UGT2A1: variants seen among roughly 807,000 people sequenced by gnomAD.
UGT2A1 encodes UDP-glucuronosyltransferase 2A1.
Under a neutral mutation model 45.4 loss-of-function variants are expected in UGT2A1, and 61 were observed. The observed-to-expected ratio is 1.34, with a 90% CI of 1.09 to 1.66. The LOEUF (loss-of-function observed/expected upper bound fraction) is 1.66, where lower values mean the gene tolerates loss of function less well. Among genes scored for constraint, UGT2A1 ranks in the 40% most tolerant of loss-of-function variants. The pLI is 0.00. For missense variants in UGT2A1, 649 were observed against 574.3 expected (o/e 1.13, Z -1.33); for synonymous variants, 229 against 196.2 (o/e 1.17, Z -1.40).
At chr4:69,645,253 T>A (rs565946931) in intron 2 of UGT2A1, among the ~76,000 whole-genome samples, 5 of 151,876 alleles carry the variant, frequency 3.3e-5, no homozygotes, top group Non-Finnish European at 7.4e-5. Flanking sequence ...CTTACTGGAT[T>A]TCGCCAAATA....
chr4:69,647,578 C>T lies in UGT2A1; in HGVS notation c.67G>A (p.Val23Ile). The change falls in exon 2 of 7, where the codon GTT becomes ATT. Residue 23 changes from valine to isoleucine, a missense_variant. Transcript: ENST00000286604. ...SLIGTTLGGN[V>I]LIWPMEGSHW... ...CTACCTTCCATTGGCCAAATCAAAA[C>T]ATTCCCACCAAGAGTGGTTCCTATG... is the stretch of plus-strand genomic sequence containing the variant. 1 of 1,610,848 alleles carries T rather than the reference C, an allele frequency of 6.2e-7. No individual in the cohort carries two copies. The highest frequency in any genetic ancestry group is 8.5e-7 in the Non-Finnish European group (1 of 1,178,360).
intron 3 of UGT2A1, among the ~76,000 whole-genome samples, chr4:69,626,077 C>G (rs9999694): frequency 0.35 from 53,028 of 151,066 alleles, 9,638 homozygotes; most frequent in African/African-American, 0.43. Flanking sequence ...ATTTGTTGCT[C>G]TCAGTCATAT....
intron 4 of UGT2A1, among the ~76,000 whole-genome samples, chr4:69,595,571 G>T (rs1309404014): frequency 6.6e-6 from 1 of 152,130 alleles, no homozygotes; most frequent in Non-Finnish European, 1.5e-5. Context: ...AAATCATGAA[G>T]AGTGTTATGT....
chr4:69,638,203 G>A (rs1289392108), intron 2 of UGT2A1, among the ~76,000 whole-genome samples: 4 of 152,172 alleles, frequency 2.6e-5, no homozygotes, highest in Non-Finnish European at 5.9e-5. Context: ...GAGATCTGGA[G>A]GCAAAATCAT....
At chr4:69,648,942 A>G (rs992117106) in intron 1 of UGT2A1, among the ~76,000 whole-genome samples, 6 of 152,038 alleles carry the variant, frequency 3.9e-5, no homozygotes, top group Non-Finnish European at 8.8e-5. Flanking sequence ...CCCCTTACCA[A>G]CTAAGGAATC....
chr4:69,617,580 T>C (rs1720477639), intron 3 of UGT2A1, among the ~76,000 whole-genome samples: 2 of 151,818 alleles, frequency 1.3e-5, no homozygotes, highest in South Asian at 4.1e-4. Context: ...AGAAAGACTG[T>C]TTCAAATTAG....
intron 6 of UGT2A1, among the ~76,000 whole-genome samples, chr4:69,590,011 A>G (rs1718497107): frequency 6.6e-6 from 1 of 152,246 alleles, no homozygotes; most frequent in African/African-American, 2.4e-5. Context: ...TGGGATAAAA[A>G]TCATTTAAGA....
chr4:69,605,436 A>G (rs1396563518), intron 3 of UGT2A1, among the ~76,000 whole-genome samples: 2 of 137,008 alleles, frequency 1.5e-5, no homozygotes, highest in Non-Finnish European at 3.1e-5. Context: ...GTAGAGGGAA[A>G]TTTATAGCAC....
intron 3 of UGT2A1, among the ~76,000 whole-genome samples, chr4:69,623,820 A>T (rs1360539001): frequency 1.3e-5 from 2 of 151,560 alleles, no homozygotes; most frequent in Admixed American, 6.6e-5. Context: ...TTTAAAACAG[A>T]TTCATTTGAA....
intron 1 of UGT2A1, among the ~76,000 whole-genome samples, chr4:69,651,245 T>C (rs1027603239): frequency 3.9e-5 from 6 of 152,296 alleles, no homozygotes; most frequent in Admixed American, 1.3e-4. Flanking sequence ...GCCTAAAATG[T>C]GGGTCTGAAT....
chr4:69,595,754 A>G (rs1315232297), intron 4 of UGT2A1, among the ~76,000 whole-genome samples: 24 of 152,230 alleles, frequency 1.6e-4, no homozygotes. Flanking sequence ...TTTTAGCTAG[A>G]GAATATTCAA....
chr4:69,594,495 G>C lies in UGT2A1; in HGVS notation c.1286C>G (p.Thr429Arg), dbSNP rs1298022536. 2 of 1,614,130 alleles carry C rather than the reference G, an allele frequency of 1.2e-6. No individual in the cohort carries two copies. Among genetic ancestry groups the C allele is most frequent in the East Asian group, 2.2e-5 (1 of 44,876 alleles). ...TSVDLLSALR[T>R]VINEPSYKEN... is the part of the protein sequence containing the mutation. Reference sequence around the variant, plus strand: ...TACTTACGAAGGTTCATTAATGACTGTTCTCAAAGCGCTAAGCAAATCCAC... The same window carrying C: ...TACTTACGAAGGTTCATTAATGACTCTTCTCAAAGCGCTAAGCAAATCCAC... Residue 429 changes from threonine to arginine, a missense_variant, in exon 6 of 7, where the codon ACA becomes AGA. Transcript: ENST00000286604.
At chr4:69,600,992 C>T (rs1719252754) in intron 3 of UGT2A1, among the ~76,000 whole-genome samples, 3 of 152,040 alleles carry the variant, frequency 2.0e-5, no homozygotes, top group Admixed American at 6.6e-5. Flanking sequence ...CAGATCTAAA[C>T]CATCTCAGTG....
At chr4:69,600,262 A>T (rs901387697) in intron 3 of UGT2A1, among the ~76,000 whole-genome samples, 3 of 152,158 alleles carry the variant, frequency 2.0e-5, no homozygotes, top group Non-Finnish European at 4.4e-5. Flanking sequence ...AGTGGGAAAC[A>T]CATGAGAAAG....
rs758986863 is a variant in UGT2A1, at chr4:69,601,309, G to A, written c.848-1915C>T. Among the ~76,000 whole-genome samples, 7 of 152,096 alleles carry A rather than the reference G, an allele frequency of 4.6e-5. No individual in the cohort carries two copies. In the East Asian group the frequency reaches 9.6e-4, roughly 21 times the overall value. On this transcript the variant is annotated intron_variant, in intron 3 of 6. Coordinates refer to ENST00000286604, the MANE Select transcript of UGT2A1 (RefSeq NM_001252275.3). ...GCACAGACTTGACTGACCCAGCCTC[G>A]TGTTCTTGCTCCTGCACCTGCCCTG...
intron 5 of UGT2A1, 88 bp downstream of exon 5, chr4:69,595,070 TATTA>T: frequency 1.4e-6 from 2 of 1,459,958 alleles, no homozygotes; most frequent in Non-Finnish European, 1.9e-6. Context: ...CATTTTAAAT[TATTA>T]AAAATGTATT....
chr4:69,596,150 G>A, intron 4 of UGT2A1: 1 of 1,346,998 alleles, frequency 7.4e-7, no homozygotes, highest in Non-Finnish European at 9.7e-7. Flanking sequence ...GATACTCAGT[G>A]TATAATGAGT....
At chr4:69,598,864 T>C (rs1487440775) in intron 4 of UGT2A1, among the ~76,000 whole-genome samples, 1 of 152,154 alleles carries the variant, frequency 6.6e-6, no homozygotes, top group African/African-American at 2.4e-5. Context: ...CCAACAGTTT[T>C]CATGAAGACA....
At chr4:69,637,740 G>GT (rs1721791405) in intron 2 of UGT2A1, among the ~76,000 whole-genome samples, 1 of 152,096 alleles carries the variant, frequency 6.6e-6, no homozygotes, top group African/African-American at 2.4e-5. Flanking sequence ...TCATGAGAAT[G>GT]TAAGTTCCAT....
Sources: allele counts gnomAD v4.1 joint callset (sites outside exome capture counted in the v4.1 genomes callset), GRCh38; gene constraint gnomAD v4.1.1; transcripts MANE v1.5; gene names NCBI Gene and HGNC (gene_info 2026-07-23, HGNC 2026-07-21).